The following GALC variants were observed in gnomAD, a reference collection of about 807,000 sequenced individuals.
The protein encoded by GALC is galactosylceramidase.
In GALC, 77 loss-of-function variants were observed where a neutral mutation model predicts 91.8. That is an observed-to-expected ratio of 0.84 (90% CI 0.70 to 1.01). The LOEUF (loss-of-function observed/expected upper bound fraction) is 1.01, where lower values mean the gene tolerates loss of function less well. Ranked by LOEUF, GALC falls within the 50% of genes least tolerant of loss-of-function variation. GALC has a pLI of 0.00. For synonymous variants in GALC, 357 were observed against 306.7 expected (o/e 1.16, Z -1.71); for missense variants, 882 against 855.9 (o/e 1.03, Z -0.38).
chr14:87,966,810 AT>A (rs1886074565), intron 8 of GALC, among the ~76,000 whole-genome samples: 1 of 152,232 alleles, frequency 6.6e-6, no homozygotes, highest in Non-Finnish European at 1.5e-5. Context: ...ATACAAAGAT[AT>A]TTGTATACAA....
At chr14:87,954,422 T>A in intron 10 of GALC, 2 of 1,594,564 alleles carry the variant, frequency 1.3e-6, no homozygotes, top group Non-Finnish European at 8.6e-7. Flanking sequence ...TGGAGCAGCC[T>A]GGTACCCTCA....
At chr14:87,987,119 T>C (rs1374601826) in intron 3 of GALC, 3 of 438,904 alleles carry the variant, frequency 6.8e-6, no homozygotes, top group South Asian at 3.3e-5. Context: ...ACTCTAAAAA[T>C]AACAAAATTC....
At chr14:87,974,296 T>A (rs2140012252) in intron 7 of GALC, among the ~76,000 whole-genome samples, 1 of 152,226 alleles carries the variant, frequency 6.6e-6, no homozygotes, top group South Asian at 2.1e-4. Context: ...AAAGCATAGA[T>A]CTCTTAGTTA....
intron 6 of GALC, chr14:87,981,479 T>G (rs1176235834): frequency 1.1e-5 from 2 of 188,774 alleles, no homozygotes; most frequent in African/African-American, 4.7e-5. Context: ...AATATAAAAA[T>G]TTTTGAAAAC....
intron 4 of GALC, 63 bp downstream of exon 4, chr14:87,986,426 G>T: frequency 9.9e-7 from 1 of 1,010,092 alleles, no homozygotes; most frequent in South Asian, 1.3e-5. Flanking sequence ...CCACCAACAC[G>T]ATTCAGAATT....
intron 16 of GALC, 94 bp downstream of exon 16, chr14:87,939,811 G>A: frequency 4.4e-6 from 4 of 919,116 alleles, no homozygotes; most frequent in Non-Finnish European, 7.2e-6. Context: ...TTCATTATAT[G>A]TCACACTTTC....
chr14:87,970,672 A>G (rs916714004), intron 7 of GALC, among the ~76,000 whole-genome samples: 2 of 151,318 alleles, frequency 1.3e-5, no homozygotes, highest in African/African-American at 4.9e-5. Flanking sequence ...CATCCTGGCT[A>G]ACATGGTGAA....
chr14:87,954,134 T>C (rs1885420460), intron 10 of GALC: 3 of 1,608,350 alleles, frequency 1.9e-6, no homozygotes, highest in South Asian at 1.1e-5. Flanking sequence ...CCAGTGTAGT[T>C]AGTGATGTTG....
In GALC at chr14:87,991,070, A is replaced by C. The variant is rs559644739; in HGVS notation, c.195+1900T>G. ...GTATCCCAAAAAAAGAAAGTGAGGC[A>C]GAGAGGAGTTATAATAGATAACCCA... is the stretch of plus-strand genomic sequence containing the variant. On this transcript the variant is annotated intron_variant, in intron 1 of 16. Transcript: ENST00000261304. Among the ~76,000 whole-genome samples, 6 of 152,364 alleles carry C rather than the reference A, an allele frequency of 3.9e-5. No homozygotes were observed. In the East Asian group the frequency reaches 1.2e-3, roughly 29 times the overall value.
intron 10 of GALC, among the ~76,000 whole-genome samples, chr14:87,960,820 GAA>G (rs773551478): frequency 1.6e-4 from 25 of 152,142 alleles, no homozygotes; most frequent in East Asian, 1.4e-3. Context: ...AGTTAAGAAA[GAA>G]AATGGACCAA....
intron 8 of GALC, among the ~76,000 whole-genome samples, chr14:87,966,606 A>G (rs1886065498): frequency 6.6e-6 from 1 of 152,204 alleles, no homozygotes; most frequent in South Asian, 2.1e-4. Flanking sequence ...CTACTAGTGA[A>G]TATTTTAAGT....
chr14:87,945,444 A>G (rs1289410243), intron 14 of GALC, 109 bp downstream of exon 14: 24 of 840,994 alleles, frequency 2.9e-5, no homozygotes, highest in Admixed American at 2.6e-4. Flanking sequence ...TTACACATCT[A>G]TTAGGTTCTT....
At chr14:87,969,319 A>G (rs985932576) in intron 7 of GALC, among the ~76,000 whole-genome samples, 1 of 152,222 alleles carries the variant, frequency 6.6e-6, no homozygotes, top group African/African-American at 2.4e-5. Flanking sequence ...TCCATTGAAA[A>G]TATCAATAGT....
chr14:87,941,837 A>T (rs1237349339), intron 14 of GALC, among the ~76,000 whole-genome samples: 3 of 152,004 alleles, frequency 2.0e-5, no homozygotes, highest in African/African-American at 7.2e-5. Context: ...TTCTACAATA[A>T]AACAACTTCT....
chr14:87,943,447 A>G (rs1884938644), intron 14 of GALC, among the ~76,000 whole-genome samples: 1 of 152,016 alleles, frequency 6.6e-6, no homozygotes, highest in African/African-American at 2.4e-5. Flanking sequence ...TTGAGAGCAG[A>G]TTTACTAAAA....
At chr14:87,980,254 G>A (rs1216073588) in intron 6 of GALC, among the ~76,000 whole-genome samples, 2 of 151,950 alleles carry the variant, frequency 1.3e-5, no homozygotes, top group African/African-American at 4.8e-5. Flanking sequence ...GTGGTGGTGG[G>A]CACCTGTAAT....
At chr14:87,973,102 T>C (rs891608039) in intron 7 of GALC, among the ~76,000 whole-genome samples, 2 of 152,122 alleles carry the variant, frequency 1.3e-5, no homozygotes, top group East Asian at 3.8e-4. Flanking sequence ...AAATAACTAA[T>C]GGAGCAAATT....
intron 6 of GALC, among the ~76,000 whole-genome samples, chr14:87,978,018 A>T (rs1886576476): frequency 6.6e-6 from 1 of 152,120 alleles, no homozygotes; most frequent in African/African-American, 2.4e-5. Context: ...CTATCCCTCT[A>T]GCAGGAGGAT....
chr14:87,990,810 C>T (rs998319388), intron 1 of GALC, among the ~76,000 whole-genome samples: 1 of 152,148 alleles, frequency 6.6e-6, no homozygotes, highest in African/African-American at 2.4e-5. Context: ...TTAAAATGCA[C>T]CATCTAGCAA....
Sources: allele counts gnomAD v4.1 joint callset (sites outside exome capture counted in the v4.1 genomes callset), GRCh38; gene constraint gnomAD v4.1.1; transcripts MANE v1.5; gene names NCBI Gene and HGNC (gene_info 2026-07-23, HGNC 2026-07-21).